Variants in FOSB observed in about 807,000 individuals in gnomAD.
The protein encoded by FOSB is FosB proto-oncogene, AP-1 transcription factor subunit, also known as protein FosB.
Under a neutral mutation model 31.1 loss-of-function variants are expected in FOSB, and 8 were observed. The ratio of observed to expected loss-of-function variants is 0.26; its 90% CI spans 0.15 to 0.46. FOSB has a LOEUF of 0.46. Among genes scored for constraint, FOSB ranks in the 20% least tolerant of loss-of-function variants. The pLI is 0.99. For synonymous variants in FOSB, 214 were observed against 206.1 expected (o/e 1.04, Z -0.33); for missense variants, 376 against 460.6 (o/e 0.82, Z 1.68).
In FOSB at chr19:45,470,848, G is replaced by A. The variant is rs143780767; in HGVS notation, c.346G>A (p.Gly116Arg). The change falls in exon 2 of 4, where the codon GGA becomes AGA. Residue 116 changes from glycine to arginine, a missense_variant. Gly to Arg is a moderately radical substitution (Grantham distance 125). Transcript: ENST00000353609. ...AGGCATGAGTGGCTACAGCAGTGGC[G>A]GAGCGAGTGGCAGTGGTGGGCCTTC... ...TPGMSGYSSGGASGSGGPSTS... is the reference protein window; with the variant it reads ...TPGMSGYSSGRASGSGGPSTS... 3.3e-5 allele frequency: 54 copies of A among 1,613,922 alleles called. No homozygotes were observed. Among genetic ancestry groups the A allele is most frequent in the Admixed American group, 3.0e-4 (18 of 59,992 alleles).
chr19:45,473,805 G>C lies in FOSB; in HGVS notation c.*793G>C, dbSNP rs1967765381. 2 of 152,580 alleles carry C rather than the reference G, an allele frequency of 1.3e-5. No homozygotes were observed. Among genetic ancestry groups the C allele is most frequent in the South Asian group, 4.1e-4 (2 of 4,820 alleles). The allele number at this position is 152,580 out of a possible 1,614,324, so 9.5% of individuals were successfully genotyped here. A position where few individuals can be genotyped will look rare whatever the true frequency, so the allele number is the denominator to read the frequency against. On this transcript the variant is annotated 3_prime_UTR_variant, in exon 4 of 4. Transcript: ENST00000353609. The stretch of plus-strand genomic sequence containing the variant: ...GTGTTATCCCAAGACCCTGCCCCCT[G>C]CCAGCCGACCCTCCTGGCCTTCCTC...
chr19:45,472,682 G>GC lies in FOSB; in HGVS notation c.690dup (p.Gly231ArgfsTer18), dbSNP rs1568614430. ...GCTGCAAGATCCCCTACGAAGAGGGGCCCGGGCCGGGCCCGCTGGCGGAGG... is the reference window on the plus strand; with the variant it reads ...GCTGCAAGATCCCCTACGAAGAGGGGCCCCGGGCCGGGCCCGCTGGCGGAGG... On this transcript the variant is annotated frameshift_variant, in exon 4 of 4. Transcript: ENST00000353609. LOFTEE classifies it high-confidence loss of function. The surrounding 1 kb of genome is among the most constrained non-coding windows in gnomAD (Gnocchi z 5.4). 6.2e-7 allele frequency: 1 copy of GC among 1,607,498 alleles called. No homozygotes were observed. Among genetic ancestry groups the GC allele is most frequent in the Admixed American group, 1.7e-5 (1 of 58,652 alleles).
rs1156611392 is a variant in FOSB at position 45,473,710 on chromosome 19, C to T, written c.*698C>T. On this transcript the variant is annotated 3_prime_UTR_variant, in exon 4 of 4. Coordinates refer to ENST00000353609, the MANE Select transcript of FOSB (RefSeq NM_006732.3). The stretch of plus-strand genomic sequence containing the variant: ...CCACTCCCTCCCAGAAAAACTGGCT[C>T]TGATTGGAATTTCTGGCCTCCTAAG... 1 of 151,494 alleles carries T rather than the reference C, an allele frequency of 6.6e-6. No homozygotes were observed. Among genetic ancestry groups the T allele is most frequent in the African/African-American group, 2.4e-5 (1 of 41,018 alleles). 9.4% of individuals were successfully genotyped at this position (151,494 alleles called of 1,614,324 possible). A position where few individuals can be genotyped will look rare whatever the true frequency, so the allele number is the denominator to read the frequency against.
In FOSB at chr19:45,473,292, T is replaced by G; in HGVS notation, c.*280T>G. Reference sequence around the variant, plus strand: ...GGGATGGACACCCCCAGCTGACTGTTGGCTCTCTGACGTCAACCCAAGCTC... The same window carrying G: ...GGGATGGACACCCCCAGCTGACTGTGGGCTCTCTGACGTCAACCCAAGCTC... On this transcript the variant is annotated 3_prime_UTR_variant, in exon 4 of 4. Coordinates refer to ENST00000353609, the MANE Select transcript of FOSB (RefSeq NM_006732.3). 4.5e-6 allele frequency: 1 copy of G among 220,392 alleles called. No individual in the cohort carries two copies. The highest frequency in any genetic ancestry group is 8.8e-6 in the Non-Finnish European group (1 of 113,778). The allele number at this position is 220,392 out of a possible 1,614,324, so 13.7% of individuals were successfully genotyped here. A position where few individuals can be genotyped will look rare whatever the true frequency, so the allele number is the denominator to read the frequency against.
chr19:45,468,436 TC>T lies in FOSB; in HGVS notation c.-147del, dbSNP rs758547940. ...CGGGACGTTGCTCCTTCCCCGAGCT[TC>T]CCCGGACAGCGTACTTTGAGGACTC... On this transcript the variant is annotated 5_prime_UTR_variant, in exon 1 of 4. Transcript: ENST00000353609. This position sits in a 1 kb window ranked among gnomAD's most constrained non-coding sequence, Gnocchi z 4.8. 80 of 812,646 alleles carry T rather than the reference TC, an allele frequency of 9.8e-5. No individual in the cohort carries two copies. Among genetic ancestry groups the T allele is most frequent in the Non-Finnish European group, 1.5e-4 (77 of 508,366 alleles). 50.3% of individuals were successfully genotyped at this position (812,646 alleles called of 1,614,324 possible).
rs2122170069 is a variant in FOSB, at chr19:45,474,428, A to T, written c.*1416A>T. The stretch of plus-strand genomic sequence containing the variant: ...GGATTTCTTTATGAGGCAAATTTAT[A>T]TTTTTTAATATCGGGGGGTGGACCA... On this transcript the variant is annotated 3_prime_UTR_variant, in exon 4 of 4. Transcript: ENST00000353609. The T allele has an allele frequency of 6.6e-6, 1 of 152,232 alleles. No homozygotes were observed. The highest frequency in any genetic ancestry group is 2.1e-4 in the South Asian group (1 of 4,798). 9.4% of individuals were successfully genotyped at this position (152,232 alleles called of 1,614,324 possible).
In FOSB at chr19:45,473,858, G is replaced by C. The variant is rs1051249309; in HGVS notation, c.*846G>C. 1 of 152,810 alleles carries C rather than the reference G, an allele frequency of 6.5e-6. No individual in the cohort carries two copies. Among genetic ancestry groups the C allele is most frequent in the African/African-American group, 2.4e-5 (1 of 41,420 alleles). 9.5% of individuals were successfully genotyped at this position (152,810 alleles called of 1,614,324 possible). A position where few individuals can be genotyped will look rare whatever the true frequency, so the allele number is the denominator to read the frequency against. Reference sequence around the variant, plus strand: ...TGGGCCGCTCTGATTTCAGGCAGCAGGGGCTGCTGTGATGCCGTCCTGCTG... The same window carrying C: ...TGGGCCGCTCTGATTTCAGGCAGCACGGGCTGCTGTGATGCCGTCCTGCTG... On this transcript the variant is annotated 3_prime_UTR_variant, in exon 4 of 4. Transcript: ENST00000353609.
chr19:45,471,467 G>A (rs1967662446), intron 3 of FOSB, 166 bp downstream of exon 3: 1 of 521,804 alleles, frequency 1.9e-6, no homozygotes, highest in Non-Finnish European at 3.4e-6. Flanking sequence ...CACAAACACA[G>A]ACCCCCATGG....
In FOSB at chr19:45,472,490, C is replaced by G. The variant is rs375262001; in HGVS notation, c.556-61C>G. On this transcript the variant is annotated intron_variant, in intron 3 of 3. Coordinates refer to ENST00000353609, the MANE Select transcript of FOSB (RefSeq NM_006732.3). The surrounding 1 kb of genome is among the most constrained non-coding windows in gnomAD (Gnocchi z 5.4). ...GGAGCCATGACCCGAGTTTCCCGGT[C>G]ACTGACATGCTTTTTTCTCCTTCCT... The G allele has an allele frequency of 6.3e-5, 85 of 1,357,068 alleles. 3 individuals carry two copies. Among genetic ancestry groups the G allele is most frequent in the East Asian group, 4.8e-4 (19 of 39,654 alleles). 84.1% of individuals were successfully genotyped at this position (1,357,068 alleles called of 1,614,324 possible). A position where few individuals can be genotyped will look rare whatever the true frequency, so the allele number is the denominator to read the frequency against.
chr19:45,468,728 T>A lies in FOSB; in HGVS notation c.126+16T>A. ...CGCCTCCCAGGTAAGTTTTTGATAG[T>A]AGGGGTGCTGCTTTGTAGGTTTTAT... On this transcript the variant is annotated intron_variant, in intron 1 of 3. Transcript: ENST00000353609. This position sits in a 1 kb window ranked among gnomAD's most constrained non-coding sequence, Gnocchi z 4.8. 1 of 1,594,022 alleles carries A rather than the reference T, an allele frequency of 6.3e-7. No individual in the cohort carries two copies. Among genetic ancestry groups the A allele is most frequent in the Non-Finnish European group, 8.5e-7 (1 of 1,173,818 alleles).
At position 45,472,925 on chromosome 19, in the gene FOSB, G is replaced by T; in HGVS notation, c.930G>T (p.Glu310Asp). 6.2e-7 allele frequency: 1 copy of T among 1,614,054 alleles called. No individual in the cohort carries two copies. Among genetic ancestry groups the T allele is most frequent in the Non-Finnish European group, 8.5e-7 (1 of 1,180,036 alleles). Reference sequence around the variant, plus strand: ...CTTCGTTTGTCCTCACCTGCCCGGAGGTCTCCGCGTTCGCCGGCGCCCAAC... The same window carrying T: ...CTTCGTTTGTCCTCACCTGCCCGGATGTCTCCGCGTTCGCCGGCGCCCAAC... Reference protein sequence around the residue: ...YTSSFVLTCPEVSAFAGAQRT... With the variant: ...YTSSFVLTCPDVSAFAGAQRT... The change falls in exon 4 of 4, where the codon GAG (glutamate) becomes GAT (aspartate). Residue 310 changes from glutamate to aspartate, a missense_variant. Physicochemically the swap from Glu to Asp is conservative, Grantham distance 45. Around this residue, in one of 3 missense-constraint regions of FOSB, gnomAD observed 148 missense variants for 170.0 expected, o/e 0.87. Transcript: ENST00000353609. The surrounding 1 kb of genome is among the most constrained non-coding windows in gnomAD (Gnocchi z 5.4).
intron 1 of FOSB, among the ~76,000 whole-genome samples, chr19:45,469,687 C>A (rs2122142281): frequency 6.6e-6 from 1 of 152,230 alleles, no homozygotes; most frequent in East Asian, 1.9e-4. Context: ...CCCTCTTCTC[C>A]AGGCACACAC....
In FOSB at chr19:45,471,312, G is replaced by A. The variant is rs376625825; in HGVS notation, c.555+11G>A. The A allele has an allele frequency of 4.5e-6, 7 of 1,541,996 alleles. No individual in the cohort carries two copies. The African/African-American group carries it at 9.6e-5, about 21-fold the overall frequency. On this transcript the variant is annotated intron_variant, in intron 3 of 3. Transcript: ENST00000353609. Reference sequence around the variant, plus strand: ...GACCGACTCCAGGCGGTGAGGACAGGCCCTGGGGTGGGAGAGGGGATGTTG... The same window carrying A: ...GACCGACTCCAGGCGGTGAGGACAGACCCTGGGGTGGGAGAGGGGATGTTG...
intron 2 of FOSB, 106 bp downstream of exon 2, chr19:45,471,055 A>T: frequency 7.3e-7 from 1 of 1,363,556 alleles, no homozygotes; most frequent in Non-Finnish European, 1.0e-6. Context: ...TGTTACAGAA[A>T]CCCCAAGATC....
intron 3 of FOSB, chr19:45,471,674 C>T (rs11667571): frequency 0.047 from 8,641 of 182,672 alleles, 271 homozygotes; most frequent in Non-Finnish European, 0.071. Flanking sequence ...TCAAATCTCC[C>T]GGGCTCTTTC....
In FOSB at chr19:45,470,771, A is replaced by G. The variant is rs775272926; in HGVS notation, c.269A>G (p.Gln90Arg). ...TCCCAGGGGCAGCCACTGGCCTCCC[A>G]GCCCCCGGTCGTCGACCCCTACGAC... The part of the protein sequence containing the change: ...AQSQGQPLAS[Q>R]PPVVDPYDMP... The change falls in exon 2 of 4, where the codon CAG (glutamine) becomes CGG (arginine). Residue 90 changes from glutamine to arginine, a missense_variant. Coordinates refer to ENST00000353609, the MANE Select transcript of FOSB (RefSeq NM_006732.3). 2.5e-6 allele frequency: 4 copies of G among 1,613,606 alleles called. No individual in the cohort carries two copies. Among genetic ancestry groups the G allele is most frequent in the Non-Finnish European group, 1.7e-6 (2 of 1,179,984 alleles).
In FOSB at chr19:45,474,092, C is replaced by CCTCT. The variant is rs933452451; in HGVS notation, c.*1090_*1093dup. 1.3e-5 allele frequency: 2 copies of CCTCT among 152,088 alleles called. No homozygotes were observed. The highest frequency in any genetic ancestry group is 2.9e-5 in the Non-Finnish European group (2 of 68,224). 9.4% of individuals were successfully genotyped at this position (152,088 alleles called of 1,614,324 possible). ...GGGTGACAGTCCTCCATCCACGTGG[C>CCTCT]CTCTCTCTCTCTCCTCAGGACCCTC... is the stretch of plus-strand genomic sequence containing the variant. On this transcript the variant is annotated 3_prime_UTR_variant, in exon 4 of 4. Coordinates refer to ENST00000353609, the MANE Select transcript of FOSB (RefSeq NM_006732.3).
At chr19:45,469,464 CT>C (rs1030200084) in intron 1 of FOSB, among the ~76,000 whole-genome samples, 11 of 152,226 alleles carry the variant, frequency 7.2e-5, no homozygotes, top group African/African-American at 2.4e-4. Context: ...TCCTTCCCCC[CT>C]CTCTGTCCCC....
chr19:45,473,139 T>C lies in FOSB; in HGVS notation c.*127T>C. 1 of 806,878 alleles carries C rather than the reference T, an allele frequency of 1.2e-6. No individual in the cohort carries two copies. The highest frequency in any genetic ancestry group is 2.0e-6 in the Non-Finnish European group (1 of 507,420). 50.0% of individuals were successfully genotyped at this position (806,878 alleles called of 1,614,324 possible). ...GTGTGTGGCCTCCCTGGCTCCTCCG[T>C]CTGACCCTCTGCGGCCACTGCGCCA... On this transcript the variant is annotated 3_prime_UTR_variant, in exon 4 of 4. Coordinates refer to ENST00000353609, the MANE Select transcript of FOSB (RefSeq NM_006732.3).
Sources: gnomAD v4.1 joint callset for allele counts (sites outside exome capture counted in the v4.1 genomes callset) on GRCh38, gnomAD v4.1.1 for gene constraint, gnomAD v4.1.1 regional missense constraint, Gnocchi (gnomAD v3.1) non-coding constraint, MANE v1.5 for transcripts, NCBI Gene and HGNC (gene_info 2026-07-23, HGNC 2026-07-21) for gene names.